PCCA: variants seen among roughly 807,000 people sequenced by gnomAD.
PCCA encodes propionyl-CoA carboxylase alpha chain, mitochondrial.
A neutral mutation model predicts 101.3 loss-of-function variants in PCCA; 74 were observed. That is an observed-to-expected ratio of 0.73 (90% CI 0.61 to 0.89). The LOEUF is 0.89. Among genes scored for constraint, PCCA ranks in the 40% least tolerant of loss-of-function variants. The probability of loss-of-function intolerance (pLI) is 0.00; values close to 1 mark genes in which losing one functional copy is unlikely to be tolerated. For missense variants in PCCA, 891 were observed against 907.0 expected (o/e 0.98, Z 0.23); for synonymous variants, 294 against 313.6 (o/e 0.94, Z 0.66).
At chr13:100,248,430 C>T (rs552824939) in intron 8 of PCCA, among the ~76,000 whole-genome samples, 133 of 152,204 alleles carry the variant, frequency 8.7e-4, no homozygotes, top group African/African-American at 2.9e-3. Flanking sequence ...GGAGACATTC[C>T]TTCAGGTGTC....
At chr13:100,231,348 G>T (rs113593158) in intron 7 of PCCA, among the ~76,000 whole-genome samples, 1 of 152,158 alleles carries the variant, frequency 6.6e-6, no homozygotes, top group South Asian at 2.1e-4. Context: ...AACTGAGAAG[G>T]CTGTGCAAGG....
chr13:100,421,931 C>T (rs1212601409), intron 19 of PCCA, among the ~76,000 whole-genome samples: 12 of 151,992 alleles, frequency 7.9e-5, no homozygotes, highest in African/African-American at 2.4e-4. Context: ...GTGATCCGCC[C>T]GCCTCGGCCT....
intron 4 of PCCA, among the ~76,000 whole-genome samples, chr13:100,152,560 C>T (rs1250282470): frequency 6.6e-6 from 1 of 152,056 alleles, no homozygotes; most frequent in Non-Finnish European, 1.5e-5. Context: ...CATTCTCCTG[C>T]CTCAGCCTCC....
intron 4 of PCCA, among the ~76,000 whole-genome samples, chr13:100,136,523 G>T (rs2051193352): frequency 6.6e-6 from 1 of 152,084 alleles, no homozygotes; most frequent in African/African-American, 2.4e-5. Context: ...AACCATCTGG[G>T]CCTGGAGATT....
intron 6 of PCCA, among the ~76,000 whole-genome samples, chr13:100,205,776 G>A (rs2152471891): frequency 6.6e-6 from 1 of 152,164 alleles, no homozygotes; most frequent in Non-Finnish European, 1.5e-5. Context: ...CGTTTTTAAA[G>A]CAGCATTTAT....
At chr13:100,417,530 G>C (rs1270159258) in intron 19 of PCCA, among the ~76,000 whole-genome samples, 1 of 152,310 alleles carries the variant, frequency 6.6e-6, no homozygotes, top group South Asian at 2.1e-4. Flanking sequence ...TATGGAAGAT[G>C]TATGTGGGGA....
chr13:100,288,630 G>A (rs1310664881), intron 12 of PCCA, among the ~76,000 whole-genome samples: 2 of 152,208 alleles, frequency 1.3e-5, no homozygotes, highest in African/African-American at 4.8e-5. Context: ...GTTGCTCTTT[G>A]TGTTACACAT....
intron 6 of PCCA, among the ~76,000 whole-genome samples, chr13:100,158,528 A>T (rs1034969348): frequency 6.6e-6 from 1 of 152,218 alleles, no homozygotes; most frequent in Non-Finnish European, 1.5e-5. Context: ...CCCAGGTTTT[A>T]TGCAGCATAT....
chr13:100,462,343 A>G (rs909157753), intron 21 of PCCA, among the ~76,000 whole-genome samples: 6 of 152,198 alleles, frequency 3.9e-5, no homozygotes, highest in African/African-American at 1.4e-4. Context: ...TGCATTCTGA[A>G]CAAAAATTTA....
At chr13:100,312,066 T>TAC (rs1238913860) in intron 16 of PCCA, among the ~76,000 whole-genome samples, 1 of 152,212 alleles carries the variant, frequency 6.6e-6, no homozygotes, top group Non-Finnish European at 1.5e-5. Context: ...TGTATGCATA[T>TAC]TGCTGGTGCT....
chr13:100,341,957 GTATATATATATATATA>G (rs35822001), intron 18 of PCCA, among the ~76,000 whole-genome samples: 1 of 107,172 alleles, frequency 9.3e-6, no homozygotes, highest in Non-Finnish European at 1.8e-5. Context: ...ACCCTTCAAA[GTATATATATATATATA>G]TATATATATG....
chr13:100,464,869 T>C (rs966508857), intron 21 of PCCA, among the ~76,000 whole-genome samples: 5 of 152,200 alleles, frequency 3.3e-5, no homozygotes, highest in East Asian at 1.9e-4. Context: ...CATTCTGATA[T>C]AGGACATTTT....
chr13:100,371,027 A>C (rs1233317079), intron 19 of PCCA, among the ~76,000 whole-genome samples: 1 of 152,220 alleles, frequency 6.6e-6, no homozygotes, highest in Admixed American at 6.5e-5. Flanking sequence ...AGATATTTCT[A>C]ATAAGGAAAG....
At chr13:100,309,047 C>T (rs996095660) in intron 15 of PCCA, among the ~76,000 whole-genome samples, 8 of 107,456 alleles carry the variant, frequency 7.4e-5, no homozygotes, top group South Asian at 5.3e-4. Flanking sequence ...CTAAGATAGT[C>T]GTCTTCTTTC....
Position 100,373,290 on chromosome 13 carries a change from C to T in PCCA, c.1746+4716C>T, listed in dbSNP as rs567476079. ...TATCAAATAAACAGAAAATAAGTAC[C>T]GGTGAGGGTGTGGAGAAGCTGGAAC... On this transcript the variant is annotated intron_variant, in intron 19 of 23. Coordinates refer to ENST00000376285, the MANE Select transcript of PCCA (RefSeq NM_000282.4). Among the ~76,000 whole-genome samples, 14 of 152,178 alleles carry T rather than the reference C, an allele frequency of 9.2e-5. No homozygotes were observed. In the East Asian group the frequency reaches 2.5e-3, roughly 27 times the overall value.
intron 14 of PCCA, among the ~76,000 whole-genome samples, chr13:100,306,720 G>A (rs2066482189): frequency 6.6e-6 from 1 of 150,790 alleles, no homozygotes. Flanking sequence ...CAGAAAAATA[G>A]TGTTTTACAG....
At chr13:100,472,807 G>A (rs2083118696) in intron 21 of PCCA, among the ~76,000 whole-genome samples, 1 of 151,972 alleles carries the variant, frequency 6.6e-6, no homozygotes, top group East Asian at 1.9e-4. Context: ...GAATTAGCTG[G>A]TCTTGGGAGA....
chr13:100,120,376 T>TG (rs2049261526), intron 4 of PCCA, among the ~76,000 whole-genome samples: 5 of 152,112 alleles, frequency 3.3e-5, no homozygotes, highest in Admixed American at 3.3e-4. Flanking sequence ...GTAGTTTTTT[T>TG]GTGAGCCAAG....
chr13:100,273,574 A>T lies in PCCA; in HGVS notation c.1065+228A>T, dbSNP rs1445709752. 3.9e-5 allele frequency among the ~76,000 whole-genome samples: 6 copies of T among 152,202 alleles called. No homozygotes were observed. In the East Asian group the frequency reaches 1.2e-3, roughly 29 times the overall value. ...ACTGTTAATACTTTATGTTGGAAATACCACTTTGTTTTTTTCTTGAACCTT... is the reference window on the plus strand; with the variant it reads ...ACTGTTAATACTTTATGTTGGAAATTCCACTTTGTTTTTTTCTTGAACCTT... On this transcript the variant is annotated intron_variant, in intron 12 of 23. Transcript: ENST00000376285.
Sources: allele counts gnomAD v4.1 joint callset (sites outside exome capture counted in the v4.1 genomes callset), GRCh38; gene constraint gnomAD v4.1.1; transcripts MANE v1.5; gene names NCBI Gene and HGNC (gene_info 2026-07-23, HGNC 2026-07-21).